Variants in MINDY2 observed in about 807,000 individuals in gnomAD.
MINDY2 encodes the protein ubiquitin carboxyl-terminal hydrolase MINDY-2.
In MINDY2, 52 loss-of-function variants were observed where a neutral mutation model predicts 68.2. The ratio of observed to expected loss-of-function variants is 0.76; its 90% CI spans 0.61 to 0.96. The LOEUF (loss-of-function observed/expected upper bound fraction) is 0.96, where lower values mean the gene tolerates loss of function less well. Among genes scored for constraint, MINDY2 ranks in the 40% least tolerant of loss-of-function variants. MINDY2 has a pLI of 0.00. For missense variants in MINDY2, 881 were observed against 773.4 expected, an observed-to-expected ratio of 1.14 and a Z score of -1.65; for synonymous variants, 372 against 303.0, an observed-to-expected ratio of 1.23 and a Z score of -2.36.
At chr15:58,813,630 G>T (rs1419592284) in intron 4 of MINDY2, among the ~76,000 whole-genome samples, 3 of 152,102 alleles carry the variant, frequency 2.0e-5, no homozygotes, top group Non-Finnish European at 4.4e-5. Flanking sequence ...AAGAGACAGG[G>T]TCTTGCTTTG....
At chr15:58,839,962 A>T (rs1477762205) in intron 6 of MINDY2, among the ~76,000 whole-genome samples, 1 of 151,878 alleles carries the variant, frequency 6.6e-6, no homozygotes, top group South Asian at 2.1e-4. Flanking sequence ...CCTCCCAGGT[A>T]GCTGGGATTA....
In MINDY2 at chr15:58,820,526, A is replaced by G. The variant is rs552493888; in HGVS notation, c.1123-1191A>G. ...CTGCTGTGACTTTTTGAATTAACTG[A>G]TTGTTTACTCAACCAATCATCAGTT... On this transcript the variant is annotated intron_variant, in intron 4 of 8. Coordinates refer to ENST00000559228, the MANE Select transcript of MINDY2 (RefSeq NM_001040450.3). 3.9e-5 allele frequency among the ~76,000 whole-genome samples: 6 copies of G among 151,994 alleles called. No individual in the cohort carries two copies. The East Asian group carries it at 1.2e-3, about 29-fold the overall frequency.
At chr15:58,781,037 G>A (rs1335364893) in intron 1 of MINDY2, among the ~76,000 whole-genome samples, 6 of 152,012 alleles carry the variant, frequency 3.9e-5, no homozygotes, top group African/African-American at 1.2e-4. Context: ...AATGGAAGAT[G>A]CCTTCTTTTA....
At position 58,861,539 on chromosome 15, in the gene MINDY2, C is replaced by T. The variant is rs773044211; in HGVS notation, c.*6929C>T. On this transcript the variant is annotated 3_prime_UTR_variant, in exon 9 of 9. Transcript: ENST00000559228. ...TTTGCATAAAGATACCTAAAACCAT[C>T]TACCCAGCTTAGGGTTGAACTGAAT... The T allele has an allele frequency of 1.2e-4, 18 of 152,160 alleles. No individual in the cohort carries two copies. Among genetic ancestry groups the T allele is most frequent in the South Asian group, 2.1e-4 (1 of 4,822 alleles). 9.4% of individuals were successfully genotyped at this position (152,160 alleles called of 1,614,324 possible). A position where few individuals can be genotyped will look rare whatever the true frequency, so the allele number is the denominator to read the frequency against.
intron 1 of MINDY2, among the ~76,000 whole-genome samples, chr15:58,782,373 C>T (rs1203032402): frequency 2.6e-5 from 4 of 152,108 alleles, no homozygotes; most frequent in African/African-American, 9.7e-5. Flanking sequence ...CAAAAATAGA[C>T]TGCAAAATAA....
chr15:58,825,464 T>G (rs1168800851), intron 5 of MINDY2, among the ~76,000 whole-genome samples: 2 of 152,218 alleles, frequency 1.3e-5, no homozygotes, highest in Non-Finnish European at 2.9e-5. Flanking sequence ...ATGCTGATTT[T>G]TCATGGCAGC....
intron 3 of MINDY2, among the ~76,000 whole-genome samples, chr15:58,802,797 C>T (rs1219007854): frequency 6.6e-6 from 1 of 152,122 alleles, no homozygotes; most frequent in Non-Finnish European, 1.5e-5. Flanking sequence ...GTCATTAGGA[C>T]AAGTTTTGCT....
intron 5 of MINDY2, among the ~76,000 whole-genome samples, chr15:58,822,743 C>G (rs1369069869): frequency 6.6e-6 from 1 of 152,102 alleles, no homozygotes; most frequent in African/African-American, 2.4e-5. Context: ...AAAGGCATAG[C>G]ATGTAGATAT....
chr15:58,861,790 T>C lies in MINDY2; in HGVS notation c.*7180T>C, dbSNP rs1013093014. Reference sequence around the variant, plus strand: ...AGATAGTGTCATTGTTGGGTTAAAATGTTGGCTGTTTTTGTTAATATACTT... The same window carrying C: ...AGATAGTGTCATTGTTGGGTTAAAACGTTGGCTGTTTTTGTTAATATACTT... On this transcript the variant is annotated 3_prime_UTR_variant, in exon 9 of 9. Transcript: ENST00000559228. 6.6e-6 allele frequency: 1 copy of C among 152,222 alleles called. No homozygotes were observed. Among genetic ancestry groups the C allele is most frequent in the Non-Finnish European group, 1.5e-5 (1 of 68,036 alleles). 9.4% of individuals were successfully genotyped at this position (152,222 alleles called of 1,614,324 possible).
At chr15:58,787,027 A>T (rs1448492190) in intron 1 of MINDY2, among the ~76,000 whole-genome samples, 1 of 150,790 alleles carries the variant, frequency 6.6e-6, no homozygotes, top group Non-Finnish European at 1.5e-5. Flanking sequence ...GCAGGGTTTC[A>T]CCATGTTGGC....
intron 4 of MINDY2, among the ~76,000 whole-genome samples, chr15:58,812,937 C>T (rs768020759): frequency 6.6e-6 from 1 of 152,078 alleles, no homozygotes; most frequent in Non-Finnish European, 1.5e-5. Context: ...CGCCTGATGC[C>T]CTTTTATATC....
chr15:58,809,322 CA>C, intron 3 of MINDY2, among the ~76,000 whole-genome samples: 1 of 152,100 alleles, frequency 6.6e-6, no homozygotes, highest in South Asian at 2.1e-4. Flanking sequence ...TAGAATCATA[CA>C]GTATTTTTAC....
Position 58,771,542 on chromosome 15 carries a change from C to T in MINDY2, c.147C>T (p.Ser49=), listed in dbSNP as rs1182018160. 1 of 1,611,320 alleles carries T rather than the reference C, an allele frequency of 6.2e-7. No individual in the cohort carries two copies. Among genetic ancestry groups the T allele is most frequent in the South Asian group, 1.1e-5 (1 of 91,020 alleles). The part of the protein sequence containing the change: ...DGPGVWAAET[S]GGNGLGAAAA... ...CTGGGGTATGGGCGGCGGAGACCAG[C>T]GGCGGGAATGGGCTGGGGGCGGCGG... Residue 49 remains serine, a synonymous_variant, in exon 1 of 9, where the codon AGC becomes AGT. Coordinates refer to ENST00000559228, the MANE Select transcript of MINDY2 (RefSeq NM_001040450.3).
chr15:58,789,912 G>T (rs539932529), intron 2 of MINDY2, among the ~76,000 whole-genome samples: 2 of 152,130 alleles, frequency 1.3e-5, no homozygotes, highest in African/African-American at 2.4e-5. Context: ...CTCCCAAAGT[G>T]CTGGGATTGC....
intron 1 of MINDY2, among the ~76,000 whole-genome samples, chr15:58,773,134 G>GA (rs1166809790): frequency 1.9e-5 from 2 of 104,066 alleles, no homozygotes; most frequent in Non-Finnish European, 1.7e-5. Context: ...ATGTTTCCTA[G>GA]GAAAAAAAAA....
chr15:58,845,263 A>G (rs900111019), intron 6 of MINDY2, among the ~76,000 whole-genome samples: 7 of 152,060 alleles, frequency 4.6e-5, no homozygotes, highest in Non-Finnish European at 1.0e-4. Flanking sequence ...AAAATTAGCC[A>G]GGTGTGATGG....
rs1166731551 is a variant in MINDY2, at chr15:58,858,755, CTT to C, written c.*4146_*4147del. 1.3e-5 allele frequency: 2 copies of C among 152,028 alleles called. No individual in the cohort carries two copies. The highest frequency in any genetic ancestry group is 4.8e-5 in the African/African-American group (2 of 41,416). 9.4% of individuals were successfully genotyped at this position (152,028 alleles called of 1,614,324 possible). On this transcript the variant is annotated 3_prime_UTR_variant, in exon 9 of 9. Coordinates refer to ENST00000559228, the MANE Select transcript of MINDY2 (RefSeq NM_001040450.3). The stretch of plus-strand genomic sequence containing the variant: ...CTATCACACAGTACTTATGCATAAA[CTT>C]ATAATAGTAAAATTACTAATGTTTG...
At chr15:58,836,909 T>C (rs1372718043) in intron 6 of MINDY2, among the ~76,000 whole-genome samples, 1 of 152,120 alleles carries the variant, frequency 6.6e-6, no homozygotes, top group African/African-American at 2.4e-5. Context: ...TGTGAACCAC[T>C]ACACCCAGAC....
intron 2 of MINDY2, among the ~76,000 whole-genome samples, chr15:58,801,950 G>A (rs914664656): frequency 6.6e-6 from 1 of 152,310 alleles, no homozygotes; most frequent in East Asian, 1.9e-4. Flanking sequence ...ACTTCTCAGT[G>A]TTGCAGACAT....
Sources: allele counts gnomAD v4.1 joint callset (sites outside exome capture counted in the v4.1 genomes callset), GRCh38; gene constraint gnomAD v4.1.1; transcripts MANE v1.5; gene names NCBI Gene and HGNC (gene_info 2026-07-23, HGNC 2026-07-21).